Variants in PRCP observed in about 807,000 individuals in gnomAD.
PRCP encodes the protein lysosomal Pro-X carboxypeptidase.
Under a neutral mutation model 54.2 loss-of-function variants are expected in PRCP, and 46 were observed. The ratio of observed to expected loss-of-function variants is 0.85; its 90% CI spans 0.67 to 1.09. PRCP has a LOEUF of 1.09. PRCP is among the 50% of genes least tolerant of loss of function. The probability of loss-of-function intolerance (pLI) is 0.00; values close to 1 mark genes in which losing one functional copy is unlikely to be tolerated. For synonymous variants in PRCP, 240 were observed against 212.2 expected, an observed-to-expected ratio of 1.13 and a Z score of -1.14; for missense variants, 613 against 596.8, an observed-to-expected ratio of 1.03 and a Z score of -0.28.
In PRCP at chr11:82,896,547, C is replaced by T. The variant is rs775800843; in HGVS notation, c.168+3688G>A. On this transcript the variant is annotated intron_variant, in intron 1 of 8. Coordinates refer to ENST00000313010, the MANE Select transcript of PRCP (RefSeq NM_005040.4). ...TGCAAAAATTAGCCAGGCGTGGTGG[C>T]GGGCACCTGTAATCCTAGCTACTCG... Among the ~76,000 whole-genome samples the T allele has an allele frequency of 1.3e-3, 192 of 151,616 alleles. 5 individuals carry two copies. Among genetic ancestry groups the T allele is most frequent in the Non-Finnish European group, 3.4e-4 (23 of 67,886 alleles).
At chr11:82,878,571 C>T (rs1859661960) in intron 1 of PRCP, among the ~76,000 whole-genome samples, 1 of 152,110 alleles carries the variant, frequency 6.6e-6, no homozygotes, top group Non-Finnish European at 1.5e-5. Flanking sequence ...TTTGCTTCTT[C>T]CCCATTGTCA....
chr11:82,857,637 G>A (rs56883544), intron 2 of PRCP, among the ~76,000 whole-genome samples: 17,774 of 152,204 alleles, frequency 0.12, 1,991 homozygotes, highest in African/African-American at 0.3. Flanking sequence ...GTCATTCCTA[G>A]TGCACATTGT....
chr11:82,867,725 T>G (rs542118852), intron 1 of PRCP, among the ~76,000 whole-genome samples: 3 of 152,250 alleles, frequency 2.0e-5, no homozygotes, highest in Non-Finnish European at 4.4e-5. Flanking sequence ...TTACTTTTTT[T>G]TTGTTTGTTC....
At chr11:82,832,220 A>C (rs1182101622) in intron 8 of PRCP, among the ~76,000 whole-genome samples, 1 of 151,948 alleles carries the variant, frequency 6.6e-6, no homozygotes, top group Non-Finnish European at 1.5e-5. Flanking sequence ...AATCCTTTGA[A>C]TATATACCTA....
At chr11:82,853,764 G>A (rs2121155949) in intron 2 of PRCP, among the ~76,000 whole-genome samples, 1 of 152,168 alleles carries the variant, frequency 6.6e-6, no homozygotes, top group Non-Finnish European at 1.5e-5. Context: ...CCTTAACAAA[G>A]CTAGCAAACC....
Position 82,824,125 on chromosome 11 carries a change from C to A in PRCP, c.*781G>T, listed in dbSNP as rs1284942686. 1 of 152,166 alleles carries A rather than the reference C, an allele frequency of 6.6e-6. No homozygotes were observed. Among genetic ancestry groups the A allele is most frequent in the Non-Finnish European group, 1.5e-5 (1 of 68,030 alleles). 9.4% of individuals were successfully genotyped at this position (152,166 alleles called of 1,614,324 possible). Reference sequence around the variant, plus strand: ...CAGATTTAAAAAGACAAAACAGAGTCATTTTCCTAAACTGGCAGAATTCAA... The same window carrying A: ...CAGATTTAAAAAGACAAAACAGAGTAATTTTCCTAAACTGGCAGAATTCAA... On this transcript the variant is annotated 3_prime_UTR_variant, in exon 9 of 9. Transcript: ENST00000313010.
At chr11:82,900,591 C>T (rs75426271), upstream of PRCP, 3,482 of 764,056 alleles carry the variant, frequency 4.6e-3, 14 homozygotes, top group Non-Finnish European at 5.5e-3. Flanking sequence ...CCGCCCCCAT[C>T]CCCGAGGACA....
intron 8 of PRCP, chr11:82,830,501 G>A (rs1858351860): frequency 6.6e-6 from 1 of 151,692 alleles, no homozygotes; most frequent in Non-Finnish European, 1.5e-5. Context: ...GGTGGGGCAT[G>A]CATGTAGTCC....
At chr11:82,857,056 T>C (rs1859109417) in intron 2 of PRCP, among the ~76,000 whole-genome samples, 1 of 141,744 alleles carries the variant, frequency 7.1e-6, no homozygotes, top group African/African-American at 2.6e-5. Context: ...AAAAAAAGTC[T>C]ACAAATTGCA....
At chr11:82,834,168 C>A (rs1475022820) in intron 8 of PRCP, among the ~76,000 whole-genome samples, 1 of 152,194 alleles carries the variant, frequency 6.6e-6, no homozygotes, top group Admixed American at 6.5e-5. Context: ...AACCTGCCAG[C>A]ATCCTCATCT....
intron 1 of PRCP, among the ~76,000 whole-genome samples, chr11:82,897,492 G>C (rs143663257): frequency 2.4e-4 from 36 of 152,252 alleles, no homozygotes; most frequent in African/African-American, 8.2e-4. Flanking sequence ...GATGAAAAAA[G>C]ACCAACTAAA....
chr11:82,885,947 T>G (rs554758213), intron 1 of PRCP, among the ~76,000 whole-genome samples: 1 of 152,174 alleles, frequency 6.6e-6, no homozygotes, highest in Non-Finnish European at 1.5e-5. Context: ...TTTATTCCCT[T>G]GGATAGGACC....
intron 1 of PRCP, among the ~76,000 whole-genome samples, chr11:82,886,341 G>A (rs1859862626): frequency 6.6e-6 from 1 of 152,078 alleles, no homozygotes; most frequent in Non-Finnish European, 1.5e-5. Context: ...CTGGAGTACA[G>A]TGGTTCAATC....
In PRCP at chr11:82,849,986, TA is replaced by T; in HGVS notation, c.678del (p.Phe226LeufsTer42). On this transcript the variant is annotated frameshift_variant, in exon 5 of 9. Transcript: ENST00000313010. LOFTEE classifies it high-confidence loss of function. ...GVFMKIVTTD[F>X]RKSGPHCSES... ...TCTGAACAATGTGGACCGCTTTTCC[TA>T]AAATCTGTAGTTACGATCTTCATAA... 3 of 1,560,564 alleles carry T rather than the reference TA, an allele frequency of 1.9e-6. No homozygotes were observed. Among genetic ancestry groups the T allele is most frequent in the Non-Finnish European group, 2.6e-6 (3 of 1,152,236 alleles).
At chr11:82,828,060 T>C (rs1308149118) in intron 8 of PRCP, 5 of 152,212 alleles carry the variant, frequency 3.3e-5, no homozygotes, top group Non-Finnish European at 7.3e-5. Context: ...TAGATTGCAT[T>C]CGTGTTTACA....
rs184759742 is a variant in PRCP at position 82,865,619 on chromosome 11, T to C, written c.169-5502A>G. Among the ~76,000 whole-genome samples the C allele has an allele frequency of 3.9e-5, 6 of 152,276 alleles. No individual in the cohort carries two copies. In the East Asian group the frequency reaches 1.2e-3, roughly 29 times the overall value. ...GATACAAAAAGTATACCCAGAGATA[T>C]ACATGACCAAAAAAATTAACTTACG... On this transcript the variant is annotated intron_variant, in intron 1 of 8. Transcript: ENST00000313010.
At chr11:82,887,502 A>G (rs2121258982) in intron 1 of PRCP, among the ~76,000 whole-genome samples, 1 of 152,358 alleles carries the variant, frequency 6.6e-6, no homozygotes, top group East Asian at 1.9e-4. Flanking sequence ...AGAAAACAAT[A>G]CCCCAAAGTA....
chr11:82,844,602 G>T (rs1858757230), intron 6 of PRCP, among the ~76,000 whole-genome samples: 1 of 151,138 alleles, frequency 6.6e-6, no homozygotes, highest in Non-Finnish European at 1.5e-5. Flanking sequence ...GCACAGTGGT[G>T]GGTGCCTGTG....
At chr11:82,844,679 GC>G (rs1488502328) in intron 6 of PRCP, among the ~76,000 whole-genome samples, 1 of 143,630 alleles carries the variant, frequency 7.0e-6, no homozygotes, top group African/African-American at 2.6e-5. Context: ...GTTGCAGTGA[GC>G]CGAGATCATG....
Sources: gnomAD v4.1 joint callset for allele counts (sites outside exome capture counted in the v4.1 genomes callset) on GRCh38, gnomAD v4.1.1 for gene constraint, MANE v1.5 for transcripts, NCBI Gene and HGNC (gene_info 2026-07-23, HGNC 2026-07-21) for gene names.